Variants in C9orf153 observed in about 807,000 individuals in gnomAD.
The protein encoded by C9orf153 is uncharacterized protein C9orf153.
In C9orf153, 10 loss-of-function variants were observed where a neutral mutation model predicts 9.0. That is an observed-to-expected ratio of 1.11 (90% CI 0.69 to 1.89). The LOEUF is 1.89. Among genes scored for constraint, C9orf153 ranks in the 40% most tolerant of loss-of-function variants. C9orf153 has a pLI of 0.00. For synonymous variants in C9orf153, 35 were observed against 37.3 expected (o/e 0.94, Z 0.23); for missense variants, 108 against 111.0 (o/e 0.97, Z 0.12).
intron 1 of C9orf153, among the ~76,000 whole-genome samples, chr9:86,238,578 T>G (rs986749407): frequency 2.6e-5 from 4 of 152,210 alleles, no homozygotes; most frequent in African/African-American, 9.7e-5. Flanking sequence ...GAGAACGACA[T>G]ACCCCAAGAG....
Position 86,224,702 on chromosome 9 carries a change from C to T in C9orf153, c.243-2969G>A, listed in dbSNP as rs144926832. 4.2e-3 allele frequency among the ~76,000 whole-genome samples: 620 copies of T among 149,142 alleles called. 8 individuals are homozygous for T. Among genetic ancestry groups the T allele is most frequent in the African/African-American group, 0.013 (508 of 40,418 alleles). ...AAAAGCACTGGGAGGCTGAGGCAGG[C>T]GGATCACGAGGTCAGGAGATTGAGA... On this transcript the variant is annotated intron_variant, in intron 3 of 3. Transcript: ENST00000339137.
chr9:86,257,200 T>C (rs1020206894), intron 1 of C9orf153, among the ~76,000 whole-genome samples: 2 of 152,198 alleles, frequency 1.3e-5, no homozygotes, highest in East Asian at 3.8e-4. Flanking sequence ...TCTCTACTTA[T>C]ATTAATTTTG....
chr9:86,251,939 A>G (rs1219015196), intron 1 of C9orf153, among the ~76,000 whole-genome samples: 1 of 151,220 alleles, frequency 6.6e-6, no homozygotes, highest in Non-Finnish European at 1.5e-5. Context: ...ACACACACAC[A>G]CACGAGAGAG....
At chr9:86,240,860 C>T (rs1184902358) in intron 1 of C9orf153, among the ~76,000 whole-genome samples, 1 of 151,326 alleles carries the variant, frequency 6.6e-6, no homozygotes, top group African/African-American at 2.4e-5. Context: ...AGATGTGCAC[C>T]GCCACTCCTG....
chr9:86,224,987 C>G (rs1023114489), intron 3 of C9orf153, among the ~76,000 whole-genome samples: 1 of 149,754 alleles, frequency 6.7e-6, no homozygotes, highest in Non-Finnish European at 1.5e-5. Flanking sequence ...TGTCTGCGTA[C>G]CCCTAGACTT....
At chr9:86,225,843 A>C (rs942480975) in intron 3 of C9orf153, among the ~76,000 whole-genome samples, 2 of 152,182 alleles carry the variant, frequency 1.3e-5, no homozygotes. Flanking sequence ...GATCTCAGGA[A>C]ATGAAGATAT....
chr9:86,236,561 A>AG (rs1219097123), intron 1 of C9orf153, among the ~76,000 whole-genome samples: 2 of 150,828 alleles, frequency 1.3e-5, no homozygotes, highest in African/African-American at 4.9e-5. Flanking sequence ...AAAAAAAAAA[A>AG]AAAAAAGAAA....
chr9:86,249,487 T>C (rs574267091), intron 1 of C9orf153, among the ~76,000 whole-genome samples: 1 of 152,180 alleles, frequency 6.6e-6, no homozygotes, highest in South Asian at 2.1e-4. Context: ...TTTGCTATTG[T>C]AAATGCTTTG....
chr9:86,221,640 A>C lies in C9orf153; in HGVS notation c.*48T>G, dbSNP rs891323032. ...AAATCTCTTCTCAGTGTTGTATTTT[A>C]TGTCTCCGAATGAAATTGCAGTAGT... On this transcript the variant is annotated 3_prime_UTR_variant, in exon 4 of 4. Coordinates refer to ENST00000339137, the MANE Select transcript of C9orf153 (RefSeq NM_001276366.4). 4 of 1,542,270 alleles carry C rather than the reference A, an allele frequency of 2.6e-6. No individual in the cohort carries two copies. Among genetic ancestry groups the C allele is most frequent in the Non-Finnish European group, 3.5e-6 (4 of 1,143,486 alleles).
chr9:86,230,469 T>C (rs1265836809), intron 1 of C9orf153, among the ~76,000 whole-genome samples: 1 of 152,102 alleles, frequency 6.6e-6, no homozygotes, highest in Non-Finnish European at 1.5e-5. Flanking sequence ...ACCTGGCTGA[T>C]TTTGTATTTT....
At chr9:86,239,661 C>T (rs1009972476) in intron 1 of C9orf153, among the ~76,000 whole-genome samples, 3 of 152,188 alleles carry the variant, frequency 2.0e-5, no homozygotes, top group African/African-American at 7.2e-5. Context: ...CACCATGCTT[C>T]TTTTGGGGCT....
intron 1 of C9orf153, among the ~76,000 whole-genome samples, chr9:86,251,676 A>G (rs1824996650): frequency 6.6e-6 from 1 of 152,108 alleles, no homozygotes; most frequent in Admixed American, 6.6e-5. Context: ...AATGGAAATA[A>G]AAAATTGGAG....
intron 2 of C9orf153, 36 bp downstream of exon 2, chr9:86,229,502 C>T: frequency 7.1e-7 from 1 of 1,407,110 alleles, no homozygotes; most frequent in East Asian, 2.3e-5. Context: ...GTAAAGCTCC[C>T]TGTGTACACC....
chr9:86,235,760 AAAAAAAAAGAGAGAGAGAAAG>A, intron 1 of C9orf153, among the ~76,000 whole-genome samples: 1 of 149,952 alleles, frequency 6.7e-6, no homozygotes, highest in African/African-American at 2.4e-5. Context: ...AAAAAAAAAA[AAAAAAAAAGAGAGAGAGAAAG>A]AAAAACACTG....
At chr9:86,226,543 C>G (rs1220800278) in intron 3 of C9orf153, among the ~76,000 whole-genome samples, 1 of 152,002 alleles carries the variant, frequency 6.6e-6, no homozygotes, top group Non-Finnish European at 1.5e-5. Flanking sequence ...CGTCCCACTA[C>G]TTTTAATATA....
Position 86,228,060 on chromosome 9 carries a change from C to T in C9orf153, c.67-30G>A, listed in dbSNP as rs569742966. 3.5e-5 allele frequency: 53 copies of T among 1,506,514 alleles called. 1 individual carries two copies. In the East Asian group the frequency reaches 5.4e-4, roughly 15 times the overall value. The allele number at this position is 1,506,514 out of a possible 1,614,324, so 93.3% of individuals were successfully genotyped here. ...GGACAAAAAAAAAAGTGGTAAGTCACGAGACTGACAAAAATGTAATATTCT... is the reference window on the plus strand; with the variant it reads ...GGACAAAAAAAAAAGTGGTAAGTCATGAGACTGACAAAAATGTAATATTCT... On this transcript the variant is annotated intron_variant, in intron 2 of 3. Coordinates refer to ENST00000339137, the MANE Select transcript of C9orf153 (RefSeq NM_001276366.4).
At chr9:86,248,432 C>A (rs1297863529) in intron 1 of C9orf153, among the ~76,000 whole-genome samples, 2 of 152,146 alleles carry the variant, frequency 1.3e-5, no homozygotes, top group Non-Finnish European at 2.9e-5. Flanking sequence ...CCGTGCCCAG[C>A]CTGTTTTTTC....
intron 1 of C9orf153, among the ~76,000 whole-genome samples, chr9:86,254,220 T>G (rs932188984): frequency 6.6e-6 from 1 of 152,098 alleles, no homozygotes; most frequent in Non-Finnish European, 1.5e-5. Flanking sequence ...GTAGTACACT[T>G]GTTAGATTCT....
chr9:86,246,067 T>G (rs1432798417), intron 1 of C9orf153, among the ~76,000 whole-genome samples: 1 of 152,210 alleles, frequency 6.6e-6, no homozygotes, highest in African/African-American at 2.4e-5. Flanking sequence ...CCCTGCCAGG[T>G]GGCTTACAAT....
Sources: gnomAD v4.1 joint callset for allele counts (sites outside exome capture counted in the v4.1 genomes callset) on GRCh38, gnomAD v4.1.1 for gene constraint, MANE v1.5 for transcripts, NCBI Gene and HGNC (gene_info 2026-07-23, HGNC 2026-07-21) for gene names.